Variants in RAD18 observed in about 807,000 individuals in gnomAD.
RAD18 encodes the protein E3 ubiquitin-protein ligase RAD18.
In RAD18, 47 loss-of-function variants were observed where a neutral mutation model predicts 60.4. The observed-to-expected ratio is 0.78, with a 90% confidence interval of 0.62 to 0.99. The LOEUF (loss-of-function observed/expected upper bound fraction) is 0.99. RAD18 is among the 50% of genes least tolerant of loss of function. RAD18 has a pLI of 0.00. For synonymous variants in RAD18, 225 were observed against 195.5 expected, an observed-to-expected ratio of 1.15 and a Z score of -1.26; for missense variants, 640 against 593.3, an observed-to-expected ratio of 1.08 and a Z score of -0.82.
chr3:8,940,835 C>G lies in RAD18; in HGVS notation c.604+632G>C, dbSNP rs1007760383. On this transcript the variant is annotated intron_variant, in intron 5 of 12. Coordinates refer to ENST00000264926, the MANE Select transcript of RAD18 (RefSeq NM_020165.4). ...AGTGAAGGGCCAGGTAGAATTTAGACTTTACGGATCCTATGGCCTCTGTCA... is the reference window on the plus strand; with the variant it reads ...AGTGAAGGGCCAGGTAGAATTTAGAGTTTACGGATCCTATGGCCTCTGTCA... Among the ~76,000 whole-genome samples, 22 of 152,322 alleles carry G rather than the reference C, an allele frequency of 1.4e-4. No homozygotes were observed. The South Asian group carries it at 1.4e-3, about 10-fold the overall frequency.
intron 12 of RAD18, among the ~76,000 whole-genome samples, chr3:8,882,048 C>T (rs1008803985): frequency 3.3e-5 from 5 of 152,166 alleles, no homozygotes; most frequent in South Asian, 2.1e-4. Context: ...CTCTTTTCCA[C>T]GAGCCTCCGT....
intron 7 of RAD18, among the ~76,000 whole-genome samples, chr3:8,934,165 A>T (rs781300297): frequency 4.6e-5 from 7 of 152,202 alleles, no homozygotes; most frequent in Non-Finnish European, 5.9e-5. Context: ...CGTACATCAA[A>T]ATTTAGGAGC....
intron 12 of RAD18, among the ~76,000 whole-genome samples, 164 bp from the exon 13 acceptor site, chr3:8,881,623 G>C (rs1347609130): frequency 6.6e-6 from 1 of 152,134 alleles, no homozygotes; most frequent in Non-Finnish European, 1.5e-5. Flanking sequence ...TCCACTTTAT[G>C]AATTAGTGAG....
chr3:8,927,409 A>G (rs1237579820), intron 7 of RAD18, among the ~76,000 whole-genome samples: 1 of 152,214 alleles, frequency 6.6e-6, no homozygotes, highest in African/African-American at 2.4e-5. Context: ...GTCAGGAAAC[A>G]ACAGGTGCTG....
rs1369918118 is a variant in RAD18, at chr3:8,902,314, A to T, written c.1168+66T>A. 6 of 1,352,860 alleles carry T rather than the reference A, an allele frequency of 4.4e-6. No individual in the cohort carries two copies. The East Asian group carries it at 1.3e-4, about 30-fold the overall frequency. 83.8% of individuals were successfully genotyped at this position (1,352,860 alleles called of 1,614,324 possible). ...CTCCAAAGTAAATTTCTTTGGTTTA[A>T]TTTTTTCATATTAAAAGTAAATAAT... On this transcript the variant is annotated intron_variant, in intron 10 of 12. Coordinates refer to ENST00000264926, the MANE Select transcript of RAD18 (RefSeq NM_020165.4).
At chr3:8,906,696 ATTTT>A (rs56371827) in intron 9 of RAD18, among the ~76,000 whole-genome samples, 2 of 146,798 alleles carry the variant, frequency 1.4e-5, no homozygotes, top group Admixed American at 6.7e-5. Context: ...CGTTTTCTAG[ATTTT>A]TTTTTTTTTC....
intron 7 of RAD18, among the ~76,000 whole-genome samples, chr3:8,924,152 G>A (rs1940381814): frequency 1.3e-5 from 2 of 152,074 alleles, no homozygotes; most frequent in African/African-American, 4.8e-5. Context: ...TCAGTGTGCT[G>A]TATTCAGGAA....
At chr3:8,941,413 T>C (rs1050279318) in intron 5 of RAD18, 54 bp downstream of exon 5, 12 of 1,416,322 alleles carry the variant, frequency 8.5e-6, no homozygotes, top group Middle Eastern at 1.8e-4. Context: ...TTTATTCTTA[T>C]GTCATGTGGA....
In RAD18 at chr3:8,880,047, G is replaced by A. The variant is rs571899959; in HGVS notation, c.*1310C>T. The stretch of plus-strand genomic sequence containing the variant: ...TCAGTTCTGCCGATAGATTTGGTAA[G>A]TGGTGCTTTTAGTTTCCTTAATGCA... On this transcript the variant is annotated 3_prime_UTR_variant, in exon 13 of 13. Coordinates refer to ENST00000264926, the MANE Select transcript of RAD18 (RefSeq NM_020165.4). 4 of 152,294 alleles carry A rather than the reference G, an allele frequency of 2.6e-5. No individual in the cohort carries two copies. The highest frequency in any genetic ancestry group is 4.4e-5 in the Non-Finnish European group (3 of 68,022). 9.4% of individuals were successfully genotyped at this position (152,294 alleles called of 1,614,324 possible).
chr3:8,938,927 C>G (rs1940698982), intron 6 of RAD18, among the ~76,000 whole-genome samples: 1 of 152,030 alleles, frequency 6.6e-6, no homozygotes, highest in African/African-American at 2.4e-5. Context: ...AGTGGACTAG[C>G]ATGAGAAATT....
chr3:8,898,384 G>A (rs1350244407), intron 11 of RAD18, among the ~76,000 whole-genome samples: 10 of 13,146 alleles, frequency 7.6e-4, no homozygotes, highest in Admixed American at 1.5e-3. Context: ...GTGCATGCGT[G>A]TGTGTGTGTG....
At position 8,936,004 on chromosome 3, in the gene RAD18, A is replaced by G; in HGVS notation, c.756T>C (p.Ser252=). The change falls in exon 7 of 13, where the codon TCT becomes TCC. Residue 252 remains serine (S), a synonymous_variant. Coordinates refer to ENST00000264926, the MANE Select transcript of RAD18 (RefSeq NM_020165.4). ...TTAGCTTTTTCTTTAAATCACGATC[A>G]GAGAGCAAATTATATACAGTTTTGG... ...PLPKTVYNLL[S]DRDLKKKLKE... The G allele has an allele frequency of 1.2e-6, 2 of 1,610,384 alleles. No individual in the cohort carries two copies. The highest frequency in any genetic ancestry group is 1.7e-6 in the Non-Finnish European group (2 of 1,178,034).
At chr3:8,951,391 T>A (rs1940922776) in intron 2 of RAD18, among the ~76,000 whole-genome samples, 1 of 152,150 alleles carries the variant, frequency 6.6e-6, no homozygotes, top group Non-Finnish European at 1.5e-5. Flanking sequence ...CCTGAGAAAT[T>A]ATCCCTCAAA....
chr3:8,910,405 C>T (rs931396492), intron 9 of RAD18, among the ~76,000 whole-genome samples: 6 of 152,044 alleles, frequency 3.9e-5, no homozygotes, highest in African/African-American at 1.2e-4. Context: ...TCGAGACCAT[C>T]CTGGCTAACA....
chr3:8,939,785 GA>G, intron 5 of RAD18, 132 bp from the exon 6 acceptor site: 1 of 698,992 alleles, frequency 1.4e-6, no homozygotes. Flanking sequence ...AAGCAGAAAA[GA>G]AAAAGAATGG....
At chr3:8,932,311 A>C (rs1940574918) in intron 7 of RAD18, among the ~76,000 whole-genome samples, 1 of 152,220 alleles carries the variant, frequency 6.6e-6, no homozygotes, top group Non-Finnish European at 1.5e-5. Context: ...GAATATATAA[A>C]TAACTTACAA....
At chr3:8,933,553 T>C (rs1032034073) in intron 7 of RAD18, among the ~76,000 whole-genome samples, 5 of 152,212 alleles carry the variant, frequency 3.3e-5, no homozygotes, top group Non-Finnish European at 7.3e-5. Flanking sequence ...TGTATTTTTG[T>C]GTACAAGCAA....
At position 8,963,254 on chromosome 3, in the gene RAD18, T is replaced by C. The variant is rs747137836; in HGVS notation, c.51+81A>G. ...ACGCTCGCGCCTCATCCTTTCTCCTTAAGGCGAGGACATCCTCCTCAAAGG... is the reference window on the plus strand; with the variant it reads ...ACGCTCGCGCCTCATCCTTTCTCCTCAAGGCGAGGACATCCTCCTCAAAGG... On this transcript the variant is annotated intron_variant, in intron 1 of 12. Coordinates refer to ENST00000264926, the MANE Select transcript of RAD18 (RefSeq NM_020165.4). 1.6e-4 allele frequency: 232 copies of C among 1,440,980 alleles called. 1 individual carries two copies. Among genetic ancestry groups the C allele is most frequent in the Non-Finnish European group, 2.0e-4 (211 of 1,057,010 alleles). The allele number at this position is 1,440,980 out of a possible 1,614,324, so 89.3% of individuals were successfully genotyped here.
At chr3:8,906,648 T>G (rs1391194158) in intron 9 of RAD18, among the ~76,000 whole-genome samples, 1 of 152,170 alleles carries the variant, frequency 6.6e-6, no homozygotes, top group Non-Finnish European at 1.5e-5. Flanking sequence ...CTGTGCTACC[T>G]GTTTCCCATT....
Sources: gnomAD v4.1 joint callset for allele counts (sites outside exome capture counted in the v4.1 genomes callset) on GRCh38, gnomAD v4.1.1 for gene constraint, MANE v1.5 for transcripts, NCBI Gene and HGNC (gene_info 2026-07-23, HGNC 2026-07-21) for gene names.